Variants in EPB41L4A observed in about 807,000 individuals in gnomAD.
EPB41L4A encodes erythrocyte membrane protein band 4.1 like 4A.
In EPB41L4A, 100 loss-of-function variants were observed where a neutral mutation model predicts 108.6. The observed-to-expected ratio is 0.92, with a 90% confidence interval of 0.78 to 1.09. The LOEUF is 1.09. Ranked by LOEUF, EPB41L4A falls within the 50% of genes least tolerant of loss-of-function variation. The probability of loss-of-function intolerance (pLI) is 0.00; values close to 1 mark genes in which losing one functional copy is unlikely to be tolerated. For missense variants in EPB41L4A, 1,030 were observed against 842.7 expected (o/e 1.22, Z -2.75); for synonymous variants, 319 against 289.0 (o/e 1.10, Z -1.05).
At chr5:112,204,632 A>C in intron 14 of EPB41L4A, 144 bp from the exon 15 acceptor site, 1 of 501,524 alleles carries the variant, frequency 2.0e-6, no homozygotes, top group Non-Finnish European at 3.6e-6. Context: ...TGCTGACAAG[A>C]TTTATTAAAA....
At chr5:112,408,200 A>T (rs1157157443) in intron 1 of EPB41L4A, among the ~76,000 whole-genome samples, 1 of 152,194 alleles carries the variant, frequency 6.6e-6, no homozygotes, top group Non-Finnish European at 1.5e-5. Context: ...GACATGTGCA[A>T]ATGAAGAATG....
At chr5:112,324,749 G>T (rs529794777) in intron 1 of EPB41L4A, among the ~76,000 whole-genome samples, 1 of 148,742 alleles carries the variant, frequency 6.7e-6, no homozygotes, top group East Asian at 2.0e-4. Flanking sequence ...AATTAAAGCA[G>T]TATGACTCAA....
At chr5:112,313,262 G>A (rs970562942) in intron 1 of EPB41L4A, among the ~76,000 whole-genome samples, 3 of 152,194 alleles carry the variant, frequency 2.0e-5, no homozygotes, top group African/African-American at 7.2e-5. Flanking sequence ...ACTTTATTGA[G>A]AAAGTGAGAC....
At chr5:112,303,207 T>C (rs1023985688) in intron 2 of EPB41L4A, among the ~76,000 whole-genome samples, 23 of 152,160 alleles carry the variant, frequency 1.5e-4, no homozygotes, top group African/African-American at 5.6e-4. Context: ...TGTGAAACTT[T>C]ACACGTTACA....
rs1751850388 is a variant in EPB41L4A, at chr5:112,266,280, G to A, written c.386C>T (p.Pro129Leu). The A allele has an allele frequency of 6.2e-7, 1 of 1,610,988 alleles. No individual in the cohort carries two copies. Among genetic ancestry groups the A allele is most frequent in the Non-Finnish European group, 8.5e-7 (1 of 1,178,870 alleles). Reference sequence around the variant, plus strand: ...CTGAGCAGCAGTGTTGACGGGACAGGGCAGACGGCCCTGAAGGACATCTTG... The same window carrying A: ...CTGAGCAGCAGTGTTGACGGGACAGAGCAGACGGCCCTGAAGGACATCTTG... ...VKQDVLQGRL[P>L]CPVNTAAQLG... The change falls in exon 5 of 23, where the codon CCC (proline) becomes CTC (leucine). Residue 129 changes from proline (P) to leucine (L), a missense_variant. Pro to Leu is a moderately conservative substitution (Grantham distance 98). Coordinates refer to ENST00000261486, the MANE Select transcript of EPB41L4A (RefSeq NM_022140.5).
intron 9 of EPB41L4A, among the ~76,000 whole-genome samples, chr5:112,251,264 T>G (rs1750647308): frequency 6.6e-6 from 1 of 152,170 alleles, no homozygotes; most frequent in Non-Finnish European, 1.5e-5. Flanking sequence ...CCCTATGACC[T>G]AGCAATCCCA....
chr5:112,238,772 T>C (rs896486780), intron 11 of EPB41L4A, among the ~76,000 whole-genome samples: 6 of 152,320 alleles, frequency 3.9e-5, no homozygotes, highest in Middle Eastern at 3.4e-3. Context: ...AGTGGGTAGA[T>C]CTGATTCTTT....
intron 12 of EPB41L4A, among the ~76,000 whole-genome samples, chr5:112,231,368 A>T (rs1422516064): frequency 2.0e-5 from 3 of 152,254 alleles, no homozygotes; most frequent in Non-Finnish European, 4.4e-5. Flanking sequence ...CTACAAGTAG[A>T]ATGGAGTTGA....
At chr5:112,151,012 T>C (rs1186104168) in intron 12 of EPB41L4A, among the ~76,000 whole-genome samples, 1 of 152,180 alleles carries the variant, frequency 6.6e-6, no homozygotes, top group African/African-American at 2.4e-5. Context: ...AAATTGCTAT[T>C]CATTATGTCT....
At chr5:112,237,793 C>T (rs1210446006) in intron 11 of EPB41L4A, among the ~76,000 whole-genome samples, 3 of 152,160 alleles carry the variant, frequency 2.0e-5, no homozygotes, top group South Asian at 2.1e-4. Flanking sequence ...CTCTGGGCAT[C>T]GTCTTTCTTC....
intron 9 of EPB41L4A, among the ~76,000 whole-genome samples, chr5:112,242,301 T>C (rs927610027): frequency 6.6e-6 from 1 of 152,228 alleles, no homozygotes; most frequent in Non-Finnish European, 1.5e-5. Flanking sequence ...AAATCCTTTG[T>C]TGTCATTTTA....
chr5:112,360,622 A>G (rs536171248), intron 1 of EPB41L4A, among the ~76,000 whole-genome samples: 49 of 152,258 alleles, frequency 3.2e-4, no homozygotes, highest in African/African-American at 1.1e-3. Flanking sequence ...TCGGCTCGCT[A>G]CAACCTCCAC....
intron 18 of EPB41L4A, among the ~76,000 whole-genome samples, chr5:112,173,257 G>A (rs1760683602): frequency 6.6e-6 from 1 of 152,154 alleles, no homozygotes; most frequent in South Asian, 2.1e-4. Context: ...GTGGTGAGTG[G>A]TATCATGTGA....
chr5:112,231,993 T>C (rs891749440), intron 12 of EPB41L4A, among the ~76,000 whole-genome samples: 1 of 151,452 alleles, frequency 6.6e-6, no homozygotes, highest in Non-Finnish European at 1.5e-5. Flanking sequence ...CGTATGCCTG[T>C]AATCCCAGCT....
chr5:112,262,736 T>C (rs541913747), intron 6 of EPB41L4A, among the ~76,000 whole-genome samples, 155 bp from the exon 7 acceptor site: 2 of 152,366 alleles, frequency 1.3e-5, no homozygotes, highest in South Asian at 4.1e-4. Context: ...CTTTGCTTCT[T>C]GGTGACAAAA....
chr5:112,401,966 AACCC>A (rs1761784306), intron 1 of EPB41L4A, among the ~76,000 whole-genome samples: 1 of 152,244 alleles, frequency 6.6e-6, no homozygotes, highest in Non-Finnish European at 1.5e-5. Flanking sequence ...GTCACTCTGT[AACCC>A]CAACACGTTA....
At chr5:112,360,832 G>C (rs1371143798) in intron 1 of EPB41L4A, among the ~76,000 whole-genome samples, 1 of 151,338 alleles carries the variant, frequency 6.6e-6, no homozygotes, top group Non-Finnish European at 1.5e-5. Flanking sequence ...TGTGGGGAGC[G>C]CCTCTGCCCC....
intron 1 of EPB41L4A, among the ~76,000 whole-genome samples, chr5:112,380,856 C>G (rs1223684332): frequency 4.0e-5 from 6 of 151,558 alleles, no homozygotes; most frequent in African/African-American, 1.5e-4. Flanking sequence ...AGGAGAGCAG[C>G]ACATATCTCA....
At chr5:112,366,220 C>G (rs1476302628) in intron 1 of EPB41L4A, among the ~76,000 whole-genome samples, 2 of 152,044 alleles carry the variant, frequency 1.3e-5, no homozygotes, top group African/African-American at 4.8e-5. Context: ...GCTCCACTCT[C>G]CTCTCCTTTT....
Sources: allele counts gnomAD v4.1 joint callset (sites outside exome capture counted in the v4.1 genomes callset), GRCh38; gene constraint gnomAD v4.1.1; transcripts MANE v1.5; gene names NCBI Gene and HGNC (gene_info 2026-07-23, HGNC 2026-07-21).